Variants in ABCB9 observed in about 807,000 individuals in gnomAD.
ABCB9 encodes ATP binding cassette subfamily B member 9, also known as ABC-type oligopeptide transporter ABCB9.
Under a neutral mutation model 62.0 loss-of-function variants are expected in ABCB9, and 36 were observed. The ratio of observed to expected loss-of-function variants is 0.58; its 90% CI spans 0.45 to 0.77. ABCB9 has a LOEUF of 0.77. Among genes scored for constraint, ABCB9 ranks in the 30% least tolerant of loss-of-function variants. The pLI, the probability that ABCB9 is intolerant of heterozygous loss-of-function variation, is 0.00. For missense variants in ABCB9, 943 were observed against 1,054.7 expected, an observed-to-expected ratio of 0.89 and a Z score of 1.47; for synonymous variants, 435 against 461.4, an observed-to-expected ratio of 0.94 and a Z score of 0.73.
At chr12:122,926,528 C>T (rs1055585274), downstream of ABCB9, among the ~76,000 whole-genome samples, 3 of 152,014 alleles carry the variant, frequency 2.0e-5, no homozygotes, top group Non-Finnish European at 4.4e-5. Flanking sequence ...GCCTGGATGA[C>T]AGAGAGAGAT....
At chr12:122,933,448 G>C (rs967622915) in intron 10 of ABCB9, among the ~76,000 whole-genome samples, 6 of 152,048 alleles carry the variant, frequency 3.9e-5, no homozygotes, top group Non-Finnish European at 7.4e-5. Flanking sequence ...CAGCTACTCG[G>C]GAGGCCGAGG....
In ABCB9 at chr12:122,947,368, T is replaced by A; in HGVS notation, c.1054-1146A>T. ...TCCTACCTGTGTGGCTGGAGAAGAC[T>A]GTGGGGAGTGGCCTCACCGGGGGCT... is the stretch of plus-strand genomic sequence containing the variant. On this transcript the variant is annotated intron_variant, in intron 5 of 11. Coordinates refer to ENST00000280560, the MANE Select transcript of ABCB9 (RefSeq NM_019625.4). The surrounding 1 kb of genome is among the most constrained non-coding windows in gnomAD (Gnocchi z 6.0). The A allele has an allele frequency of 2.7e-6, 1 of 375,962 alleles. No individual in the cohort carries two copies. The allele number at this position is 375,962 out of a possible 1,614,324, so 23.3% of individuals were successfully genotyped here. A position where few individuals can be genotyped will look rare whatever the true frequency, so the allele number is the denominator to read the frequency against.
intron 2 of ABCB9, among the ~76,000 whole-genome samples, chr12:122,957,244 G>A (rs777870851): frequency 6.6e-6 from 1 of 152,018 alleles, no homozygotes; most frequent in Non-Finnish European, 1.5e-5. Context: ...GGGTCCTGCT[G>A]TGTTGCCCAG....
Position 122,944,149 on chromosome 12 carries a change from G to A in ABCB9, c.1380+242C>T, listed in dbSNP as rs191046614. On this transcript the variant is annotated intron_variant, in intron 7 of 11. Coordinates refer to ENST00000280560, the MANE Select transcript of ABCB9 (RefSeq NM_019625.4). The surrounding 1 kb of genome is among the most constrained non-coding windows in gnomAD (Gnocchi z 4.9). ...TCACCATGTTGGCCAGGCTGGTCTC[G>A]AACTCCTGACCTCAAGTGATCCACC... Among the ~76,000 whole-genome samples, 1,091 of 152,150 alleles carry A rather than the reference G, an allele frequency of 7.2e-3. 13 individuals carry two copies. The highest frequency in any genetic ancestry group is 0.024 in the African/African-American group (1,003 of 41,496).
chr12:122,944,514 T>A lies in ABCB9; in HGVS notation c.1257A>T (p.Thr419=), dbSNP rs2035932592. The change falls in exon 7 of 12, where the codon ACA becomes ACT. Residue 419 remains threonine, a synonymous_variant. Coordinates refer to ENST00000280560, the MANE Select transcript of ABCB9 (RefSeq NM_019625.4). The surrounding 1 kb of genome is among the most constrained non-coding windows in gnomAD (Gnocchi z 4.9). ...GGATGCTGACCTGGACCACCAGCAG[T>A]GTGAGCTGGGGCAGAGGGAGAGGGG... ...YMYYVWGSGL[T]LLVVQVSILY... 1 of 1,613,762 alleles carries A rather than the reference T, an allele frequency of 6.2e-7. No homozygotes were observed. Among genetic ancestry groups the A allele is most frequent in the Non-Finnish European group, 8.5e-7 (1 of 1,179,872 alleles).
At chr12:122,965,474 G>A (rs1352840480) in intron 1 of ABCB9, among the ~76,000 whole-genome samples, 1 of 152,228 alleles carries the variant, frequency 6.6e-6, no homozygotes. Context: ...GGCTGGGTCT[G>A]CGTGGGTCCA....
chr12:122,940,267 C>A lies in ABCB9; in HGVS notation c.1587G>T (p.Leu529=), dbSNP rs758704634. 3.1e-5 allele frequency: 49 copies of A among 1,602,568 alleles called. No homozygotes were observed. Among genetic ancestry groups the A allele is most frequent in the Non-Finnish European group, 3.8e-5 (45 of 1,173,600 alleles). ...CCAGGGCCGTCACCTTGCCGGGGGA[C>A]AGGCTGAAGGAGACATTCTGCAAAG... ...TQVLQNVSFS[L]SPGKVTALVG... Residue 529 remains leucine (L), a synonymous_variant, in exon 9 of 12, where the codon CTG becomes CTT. Coordinates refer to ENST00000280560, the MANE Select transcript of ABCB9 (RefSeq NM_019625.4). This position sits in a 1 kb window ranked among gnomAD's most constrained non-coding sequence, Gnocchi z 4.8.
intron 10 of ABCB9, among the ~76,000 whole-genome samples, chr12:122,934,598 GC>G (rs1277147641): frequency 6.9e-6 from 1 of 145,946 alleles, no homozygotes; most frequent in Non-Finnish European, 1.5e-5. Flanking sequence ...CCGTGATCAC[GC>G]CACTGCACTC....
At chr12:122,956,719 C>T (rs1384800627) in intron 2 of ABCB9, among the ~76,000 whole-genome samples, 2 of 152,224 alleles carry the variant, frequency 1.3e-5, no homozygotes, top group Non-Finnish European at 2.9e-5. Flanking sequence ...TGGGGTTTCA[C>T]CATGTTGCCA....
At chr12:122,953,277 A>T (rs999323936) in intron 2 of ABCB9, among the ~76,000 whole-genome samples, 1 of 150,498 alleles carries the variant, frequency 6.6e-6, no homozygotes, top group African/African-American at 2.5e-5. Context: ...CAGTGGCATG[A>T]TCTCAGCTCA....
At chr12:122,923,578 G>C (rs911490477) in intron 11 of ABCB9, among the ~76,000 whole-genome samples, 118 of 152,204 alleles carry the variant, frequency 7.8e-4, no homozygotes, top group Middle Eastern at 6.8e-3. Context: ...CATGAGCCAG[G>C]GCGCCCAGCC....
At chr12:122,920,996 A>G in exon 12 of ABCB9, 12 of 1,532,798 alleles carry the variant, frequency 7.8e-6, no homozygotes, top group Non-Finnish European at 8.7e-6. Context: ...CATTGTCATC[A>G]TCATCAATCC....
chr12:122,925,530 C>T (rs1055385487), downstream of ABCB9, among the ~76,000 whole-genome samples: 3 of 152,062 alleles, frequency 2.0e-5, no homozygotes, highest in South Asian at 2.1e-4. Context: ...GGGTGGATCA[C>T]GAGGTCAAGA....
chr12:122,949,029 G>T, intron 4 of ABCB9, 200 bp from the exon 5 acceptor site: 1 of 494,840 alleles, frequency 2.0e-6, no homozygotes, highest in Non-Finnish European at 3.5e-6. Context: ...TCTTGCTTAA[G>T]CTTCATGACA....
chr12:122,972,549 C>T (rs773997284), intron 1 of ABCB9, among the ~76,000 whole-genome samples: 4 of 152,054 alleles, frequency 2.6e-5, no homozygotes, highest in Admixed American at 6.5e-5. Flanking sequence ...CTCACTCTGT[C>T]GCCCAGGCTG....
At position 122,944,484 on chromosome 12, in the gene ABCB9, G is replaced by T; in HGVS notation, c.1287C>A (p.Tyr429Ter). 6.2e-7 allele frequency: 1 copy of T among 1,614,084 alleles called. No individual in the cohort carries two copies. The highest frequency in any genetic ancestry group is 1.1e-5 in the South Asian group (1 of 91,090). Reference protein sequence around the residue: ...TLLVVQVSILYYGGHLVISGQ... With the variant: ...TLLVVQVSIL ...CTGAGATGACAAGGTGGCCCCCGTA[G>T]TAGAGGATGCTGACCTGGACCACCA... Residue 429 changes from tyrosine (Y) to a stop codon, truncating the protein, a stop_gained, in exon 7 of 12, where the codon TAC (tyrosine) becomes TAA (stop). Coordinates refer to ENST00000280560, the MANE Select transcript of ABCB9 (RefSeq NM_019625.4). LOFTEE classifies it high-confidence loss of function. This position sits in a 1 kb window ranked among gnomAD's most constrained non-coding sequence, Gnocchi z 4.9.
chr12:122,932,799 T>C lies in ABCB9; in HGVS notation c.1904-471A>G, dbSNP rs999958450. Among the ~76,000 whole-genome samples the C allele has an allele frequency of 3.9e-5, 6 of 152,106 alleles. No homozygotes were observed. Among genetic ancestry groups the C allele is most frequent in the Admixed American group, 2.6e-4 (4 of 15,264 alleles). Reference sequence around the variant, plus strand: ...ACCGACTTCCTCCCATGCACAACAATATAGACACAGGTCACCTGTGACCCA... The same window carrying C: ...ACCGACTTCCTCCCATGCACAACAACATAGACACAGGTCACCTGTGACCCA... On this transcript the variant is annotated intron_variant, in intron 10 of 11. Transcript: ENST00000280560. This position sits in a 1 kb window ranked among gnomAD's most constrained non-coding sequence, Gnocchi z 4.7.
At chr12:122,966,976 C>A (rs2037200390), upstream of ABCB9, among the ~76,000 whole-genome samples, 1 of 152,258 alleles carries the variant, frequency 6.6e-6, no homozygotes, top group African/African-American at 2.4e-5. Context: ...ATTAACAAAA[C>A]AAGATCCTTG....
At chr12:122,972,293 G>A (rs1406524946) in intron 1 of ABCB9, among the ~76,000 whole-genome samples, 3 of 152,190 alleles carry the variant, frequency 2.0e-5, no homozygotes, top group African/African-American at 4.8e-5. Context: ...GATTACAGGC[G>A]TAAGCCATGG....
Sources: gnomAD v4.1 joint callset for allele counts (sites outside exome capture counted in the v4.1 genomes callset) on GRCh38, gnomAD v4.1.1 for gene constraint, Gnocchi (gnomAD v3.1) non-coding constraint, MANE v1.5 for transcripts, NCBI Gene and HGNC (gene_info 2026-07-23, HGNC 2026-07-21) for gene names.